The following ZBTB40 variants were observed in gnomAD, a reference collection of about 807,000 sequenced individuals.
ZBTB40 encodes zinc finger and BTB domain-containing protein 40.
Under a neutral mutation model 117.5 loss-of-function variants are expected in ZBTB40, and 60 were observed. The ratio of observed to expected loss-of-function variants is 0.51; its 90% CI spans 0.41 to 0.63. The LOEUF (loss-of-function observed/expected upper bound fraction) is 0.63. Among genes scored for constraint, ZBTB40 ranks in the 30% least tolerant of loss-of-function variants. The pLI is 0.00. For missense variants in ZBTB40, 1,287 were observed against 1,498.5 expected (o/e 0.86, Z 2.33); for synonymous variants, 525 against 577.1 (o/e 0.91, Z 1.29).
intron 1 of ZBTB40, among the ~76,000 whole-genome samples, chr1:22,476,973 A>G (rs1375318910): frequency 6.6e-6 from 1 of 152,214 alleles, no homozygotes. Context: ...CTAGTGCTAT[A>G]TTCTGTCTCC....
At chr1:22,433,719 A>G (rs973255309) in intron 1 of ZBTB40, among the ~76,000 whole-genome samples, 1 of 150,760 alleles carries the variant, frequency 6.6e-6, no homozygotes, top group Non-Finnish European at 1.5e-5. Context: ...TTATTTCCCT[A>G]TAAAGATGCT....
At chr1:22,512,215 G>C (rs571977853) in intron 11 of ZBTB40, 81 bp downstream of exon 11, 3 of 1,472,390 alleles carry the variant, frequency 2.0e-6, no homozygotes, top group Non-Finnish European at 2.8e-6. Flanking sequence ...CCTTAGTTGT[G>C]TGCAGTGAGG....
At chr1:22,462,904 T>C (rs966393455) in intron 1 of ZBTB40, among the ~76,000 whole-genome samples, 3 of 152,202 alleles carry the variant, frequency 2.0e-5, no homozygotes, top group Non-Finnish European at 4.4e-5. Context: ...AAGATACATA[T>C]GTAACTTGAA....
At chr1:22,492,764 C>A (rs532987383) in intron 3 of ZBTB40, among the ~76,000 whole-genome samples, 4 of 152,318 alleles carry the variant, frequency 2.6e-5, no homozygotes, top group Admixed American at 2.6e-4. Flanking sequence ...CTAGGCTAAC[C>A]CTGATGACTC....
chr1:22,461,714 T>C (rs1641138412), intron 1 of ZBTB40, among the ~76,000 whole-genome samples: 1 of 152,158 alleles, frequency 6.6e-6, no homozygotes, highest in Non-Finnish European at 1.5e-5. Context: ...TCTTCAGTGC[T>C]CTGGTACTTA....
chr1:22,437,103 A>G (rs945885289), intron 1 of ZBTB40, among the ~76,000 whole-genome samples: 3 of 152,222 alleles, frequency 2.0e-5, no homozygotes, highest in Non-Finnish European at 4.4e-5. Context: ...CATCCTAACA[A>G]TAAGTAAAAG....
intron 1 of ZBTB40, among the ~76,000 whole-genome samples, chr1:22,433,322 A>C (rs962280407): frequency 1.6e-4 from 24 of 150,108 alleles, no homozygotes; most frequent in Non-Finnish European, 3.1e-4. Flanking sequence ...AGTCCCAGCT[A>C]CTCGGGAGGC....
rs1641519778 is a variant in ZBTB40, at chr1:22,474,950, A to AAAC, written c.-69-14928_-69-14927insCAA. Among the ~76,000 whole-genome samples the AAAC allele has an allele frequency of 3.3e-5, 5 of 151,980 alleles. No homozygotes were observed. The South Asian group carries it at 1.0e-3, about 32-fold the overall frequency. ...GATTACCAGTACCAACAATAAAAAA[A>AAAC]AAAAAAACAGGTAAGCTTGCATTAA... On this transcript the variant is annotated intron_variant, in intron 1 of 17. Coordinates refer to ENST00000375647, the MANE Select transcript of ZBTB40 (RefSeq NM_014870.4).
At chr1:22,474,391 G>T (rs1304805567) in intron 1 of ZBTB40, among the ~76,000 whole-genome samples, 3 of 152,192 alleles carry the variant, frequency 2.0e-5, no homozygotes, top group African/African-American at 7.2e-5. Flanking sequence ...CGGTACAAGA[G>T]AACAGACCAA....
At chr1:22,485,181 C>T (rs1183154868) in intron 1 of ZBTB40, among the ~76,000 whole-genome samples, 1 of 152,004 alleles carries the variant, frequency 6.6e-6, no homozygotes, top group African/African-American at 2.4e-5. Flanking sequence ...GGAAATATTC[C>T]CTCTGCTTCT....
Position 22,526,444 on chromosome 1 carries a change from G to T in ZBTB40, c.*48G>T, listed in dbSNP as rs374007898. The T allele has an allele frequency of 6.2e-7, 1 of 1,610,480 alleles. No individual in the cohort carries two copies. Among genetic ancestry groups the T allele is most frequent in the East Asian group, 2.2e-5 (1 of 44,864 alleles). On this transcript the variant is annotated 3_prime_UTR_variant, in exon 18 of 18. Coordinates refer to ENST00000375647, the MANE Select transcript of ZBTB40 (RefSeq NM_014870.4). ...CTTCCTGCGTTTGCAGCAGAGAGGA[G>T]GCCCCACAGCTTGCCCTTTGCCCTC...
chr1:22,512,236 G>C, intron 11 of ZBTB40, 102 bp downstream of exon 11: 1 of 1,336,380 alleles, frequency 7.5e-7, no homozygotes, highest in Non-Finnish European at 1.1e-6. Context: ...GCTGTGGGTG[G>C]GCTTAGAAAA....
At chr1:22,443,351 A>G (rs142398546) in intron 1 of ZBTB40, among the ~76,000 whole-genome samples, 308 of 152,370 alleles carry the variant, frequency 2.0e-3, no homozygotes, top group African/African-American at 7.0e-3. Context: ...ACATAAATCA[A>G]TATATGTAAG....
chr1:22,456,611 A>G lies in ZBTB40; in HGVS notation c.-70+4607A>G, dbSNP rs112086572. On this transcript the variant is annotated intron_variant, in intron 1 of 17. Transcript: ENST00000375647. ...ATCACATGTAACATCACCTAACTGA[A>G]GGCGCGATGAGAATCTCCCCTGAAA... Among the ~76,000 whole-genome samples the G allele has an allele frequency of 8.9e-4, 136 of 152,316 alleles. 1 individual carries two copies. The highest frequency in any genetic ancestry group is 3.2e-3 in the African/African-American group (131 of 41,556).
chr1:22,437,675 C>T (rs986757302), intron 1 of ZBTB40, among the ~76,000 whole-genome samples: 1 of 152,042 alleles, frequency 6.6e-6, no homozygotes, highest in Non-Finnish European at 1.5e-5. Context: ...CCCTCTCAGC[C>T]TCCCAAAGCG....
rs537248138 is a variant in ZBTB40, at chr1:22,486,635, A to G, written c.-69-3245A>G. ...GTTTTTAACTCTCAGAGTTGTGCAC[A>G]CTGAGCCTCCAGTGATTCGATTGCA... is the stretch of plus-strand genomic sequence containing the variant. On this transcript the variant is annotated intron_variant, in intron 1 of 17. Coordinates refer to ENST00000375647, the MANE Select transcript of ZBTB40 (RefSeq NM_014870.4). Among the ~76,000 whole-genome samples, 4 of 152,288 alleles carry G rather than the reference A, an allele frequency of 2.6e-5. No individual in the cohort carries two copies. The East Asian group carries it at 5.8e-4, about 22-fold the overall frequency.
At chr1:22,477,958 T>A (rs928191279) in intron 1 of ZBTB40, among the ~76,000 whole-genome samples, 1 of 152,232 alleles carries the variant, frequency 6.6e-6, no homozygotes, top group African/African-American at 2.4e-5. Context: ...ACCTCTTGTT[T>A]GTAAATATTC....
chr1:22,433,043 C>T (rs993277626), intron 1 of ZBTB40, among the ~76,000 whole-genome samples: 5 of 152,128 alleles, frequency 3.3e-5, no homozygotes, highest in Non-Finnish European at 7.4e-5. Context: ...ATGCAGTCAG[C>T]CTTCTGTATC....
intron 1 of ZBTB40, among the ~76,000 whole-genome samples, chr1:22,432,892 G>A (rs969089885): frequency 6.6e-6 from 1 of 152,226 alleles, no homozygotes; most frequent in African/African-American, 2.4e-5. Flanking sequence ...TATCGTCTAA[G>A]TGCTTTCATG....
Sources: allele counts gnomAD v4.1 joint callset (sites outside exome capture counted in the v4.1 genomes callset), GRCh38; gene constraint gnomAD v4.1.1; transcripts MANE v1.5; gene names NCBI Gene and HGNC (gene_info 2026-07-23, HGNC 2026-07-21).